Variants in DCC observed in about 807,000 individuals in gnomAD.
DCC encodes netrin receptor DCC.
Under a neutral mutation model 172.5 loss-of-function variants are expected in DCC, and 58 were observed. The ratio of observed to expected loss-of-function variants is 0.34; its 90% CI spans 0.27 to 0.42. The LOEUF is 0.42. Among genes scored for constraint, DCC ranks in the 10% least tolerant of loss-of-function variants. The pLI, the probability that DCC is intolerant of heterozygous loss-of-function variation, is 1.00. For missense variants in DCC, 1,740 were observed against 1,791.0 expected (o/e 0.97, Z 0.51); for synonymous variants, 709 against 644.5 (o/e 1.10, Z -1.52).
At chr18:52,457,084 T>C (rs1176066467) in intron 1 of DCC, among the ~76,000 whole-genome samples, 2 of 152,206 alleles carry the variant, frequency 1.3e-5, no homozygotes, top group Non-Finnish European at 2.9e-5. Context: ...GTTCTCTTTG[T>C]CACAAAAGGC....
At chr18:53,425,401 C>T (rs189294259) in intron 21 of DCC, among the ~76,000 whole-genome samples, 71 of 139,422 alleles carry the variant, frequency 5.1e-4, no homozygotes, top group Admixed American at 1.5e-3. Context: ...ACTCTCTCAC[C>T]CGGGCTGGAG....
Position 52,925,378 on chromosome 18 carries a change from A to G in DCC, c.985+8A>G. The G allele has an allele frequency of 2.5e-6, 4 of 1,611,716 alleles. No homozygotes were observed. Among genetic ancestry groups the G allele is most frequent in the Non-Finnish European group, 3.4e-6 (4 of 1,178,172 alleles). ...CAGAGCTCACAGTCTTGGGTAAGTT[A>G]GTGGCTGGAGATGAGTTTATATTGT... On this transcript the variant is annotated splice_region_variant and intron_variant, in intron 5 of 28. Coordinates refer to ENST00000442544, the MANE Select transcript of DCC (RefSeq NM_005215.4).
chr18:53,191,674 G>A (rs1051173194), intron 9 of DCC, among the ~76,000 whole-genome samples: 1 of 152,114 alleles, frequency 6.6e-6, no homozygotes, highest in African/African-American at 2.4e-5. Context: ...AAAATACAGT[G>A]GTTAAATTTA....
intron 12 of DCC, among the ~76,000 whole-genome samples, chr18:53,251,873 C>T (rs746209658): frequency 2.0e-5 from 3 of 151,936 alleles, no homozygotes; most frequent in East Asian, 1.9e-4. Flanking sequence ...TTTTCACTTC[C>T]GTATATTGTC....
At chr18:53,250,122 C>T (rs149756499) in intron 12 of DCC, among the ~76,000 whole-genome samples, 44 of 151,846 alleles carry the variant, frequency 2.9e-4, no homozygotes, top group African/African-American at 9.2e-4. Context: ...AGAACTGTTC[C>T]GTTTTTTTAA....
At chr18:52,771,519 T>C (rs2037343475) in intron 2 of DCC, among the ~76,000 whole-genome samples, 1 of 152,136 alleles carries the variant, frequency 6.6e-6, no homozygotes, top group South Asian at 2.1e-4. Context: ...TTCCTCTACA[T>C]AGAAACACTA....
In DCC at chr18:52,923,707, A is replaced by T; in HGVS notation, c.698A>T (p.Asp233Val). ...GNEAEVRILSDPGLHRQLYFL... is the reference protein window; with the variant it reads ...GNEAEVRILSVPGLHRQLYFL... ...ATGATACTGTGTTTTCCCCTCATAG[A>T]TCCAGGACTGCATAGACAGCTGTAT... The change falls in exon 4 of 29, where the codon GAT (aspartate) becomes GTT (valine). Residue 233 changes from aspartate to valine, a missense_variant and splice_region_variant. Asp to Val is a radical substitution (Grantham distance 152). This residue lies in a region of DCC where 1,732 missense variants were observed against 1,767.4 expected (regional missense o/e 0.98). Transcript: ENST00000442544. 6.2e-7 allele frequency: 1 copy of T among 1,602,948 alleles called. No individual in the cohort carries two copies. Among genetic ancestry groups the T allele is most frequent in the Non-Finnish European group, 8.5e-7 (1 of 1,170,068 alleles).
In DCC at chr18:53,304,228, T is replaced by A. The variant is rs192996081; in HGVS notation, c.1912-1350T>A. ...TGAAAACAGGAATGACTGTTCTCAT[T>A]TAGGGCTGTGGGTTTCCAGGCTTGA... On this transcript the variant is annotated intron_variant, in intron 12 of 28. Transcript: ENST00000442544. Among the ~76,000 whole-genome samples the A allele has an allele frequency of 1.6e-3, 240 of 152,214 alleles. 1 individual carries two copies. Among genetic ancestry groups the A allele is most frequent in the Non-Finnish European group, 2.5e-3 (167 of 68,012 alleles).
At chr18:53,300,645 AGGCT>A (rs2057122356) in intron 12 of DCC, among the ~76,000 whole-genome samples, 1 of 152,222 alleles carries the variant, frequency 6.6e-6, no homozygotes, top group Admixed American at 6.5e-5. Flanking sequence ...TTGTAACCAG[AGGCT>A]TGAAGGAACC....
chr18:52,554,078 G>T (rs148026023), intron 1 of DCC, among the ~76,000 whole-genome samples: 14 of 152,154 alleles, frequency 9.2e-5, no homozygotes, highest in African/African-American at 2.6e-4. Context: ...GTCAAAGATG[G>T]TTGTATTAAG....
intron 7 of DCC, among the ~76,000 whole-genome samples, chr18:53,105,277 C>A (rs2043228809): frequency 6.6e-6 from 1 of 151,958 alleles, no homozygotes; most frequent in Non-Finnish European, 1.5e-5. Context: ...TCTTGGGATA[C>A]CTGAATAATA....
intron 1 of DCC, among the ~76,000 whole-genome samples, chr18:52,598,941 C>G (rs578092824): frequency 2.6e-5 from 4 of 152,136 alleles, no homozygotes; most frequent in African/African-American, 4.8e-5. Flanking sequence ...AACAAACTTC[C>G]TCTATCAAGC....
chr18:52,464,796 T>C (rs1250330598), intron 1 of DCC, among the ~76,000 whole-genome samples: 6 of 152,184 alleles, frequency 3.9e-5, no homozygotes, highest in Admixed American at 3.9e-4. Flanking sequence ...TTTATTATAC[T>C]TACATTTGCC....
rs1246126122 is a variant in DCC, at chr18:53,446,098, C to CAAA, written c.3230-4388_3230-4386dup. Among the ~76,000 whole-genome samples, 134 of 31,900 alleles carry CAAA rather than the reference C, an allele frequency of 4.2e-3. 1 individual carries two copies. Among genetic ancestry groups the CAAA allele is most frequent in the East Asian group, 7.5e-3 (11 of 1,460 alleles). 20.9% of individuals were successfully genotyped at this position (31,900 alleles called of 152,430 possible). On this transcript the variant is annotated intron_variant, in intron 22 of 28. Coordinates refer to ENST00000442544, the MANE Select transcript of DCC (RefSeq NM_005215.4). The stretch of plus-strand genomic sequence containing the variant: ...GCAACATAAGAAGACCCTGTCTCTA[C>CAAA]AAAAAAAAAAAAAAAACAAAAAAAA...
chr18:53,223,850 A>T (rs978945572), intron 12 of DCC, among the ~76,000 whole-genome samples: 11 of 152,322 alleles, frequency 7.2e-5, no homozygotes, highest in African/African-American at 2.4e-4. Context: ...CTAGACACAC[A>T]TTCAATGAAT....
intron 7 of DCC, among the ~76,000 whole-genome samples, chr18:53,134,862 A>G (rs1241824345): frequency 1.3e-5 from 2 of 152,128 alleles, no homozygotes; most frequent in Non-Finnish European, 2.9e-5. Flanking sequence ...GACGTTTGCA[A>G]ATGACAGGAG....
At chr18:53,063,519 C>A in intron 6 of DCC, 60 bp downstream of exon 6, 4 of 1,335,660 alleles carry the variant, frequency 3.0e-6, no homozygotes, top group South Asian at 1.3e-5. Context: ...ATTTTTTTCA[C>A]TTGTTTTTAT....
intron 12 of DCC, among the ~76,000 whole-genome samples, chr18:53,216,408 G>C (rs760463965): frequency 6.6e-6 from 1 of 152,086 alleles, no homozygotes; most frequent in Admixed American, 6.6e-5. Flanking sequence ...AAATGATACA[G>C]GTCTTAGAAA....
chr18:52,497,214 T>C (rs1374941772), intron 1 of DCC, among the ~76,000 whole-genome samples: 1 of 142,018 alleles, frequency 7.0e-6, no homozygotes, highest in Non-Finnish European at 1.5e-5. Flanking sequence ...TTAACTATGA[T>C]GGCGCCACTG....
Sources: allele counts gnomAD v4.1 joint callset (sites outside exome capture counted in the v4.1 genomes callset), GRCh38; gene constraint gnomAD v4.1.1; regional missense constraint gnomAD v4.1.1; transcripts MANE v1.5; gene names NCBI Gene and HGNC (gene_info 2026-07-23, HGNC 2026-07-21).